The following KCNB2 variants were observed in gnomAD, a reference collection of about 807,000 sequenced individuals.
KCNB2 encodes potassium voltage-gated channel subfamily B member 2, also known as delayed rectifier potassium channel protein.
A neutral mutation model predicts 61.5 loss-of-function variants in KCNB2; 15 were observed. The observed-to-expected ratio is 0.24, with a 90% confidence interval of 0.16 to 0.38. The LOEUF is 0.38. KCNB2 is among the 10% of genes least tolerant of loss of function. KCNB2 has a pLI of 1.00. For synonymous variants in KCNB2, 457 were observed against 446.0 expected (o/e 1.02, Z -0.31); for missense variants, 828 against 1,125.2 (o/e 0.74, Z 3.78).
At chr8:72,803,834 G>A (rs550349834) in intron 2 of KCNB2, among the ~76,000 whole-genome samples, 1 of 152,296 alleles carries the variant, frequency 6.6e-6, no homozygotes, top group Admixed American at 6.5e-5. Flanking sequence ...GGGATAATGG[G>A]GTTGGAAGAA....
intron 2 of KCNB2, among the ~76,000 whole-genome samples, chr8:72,642,259 G>A (rs4738271): frequency 0.22 from 33,409 of 152,062 alleles, 4,205 homozygotes; most frequent in East Asian, 0.53. Context: ...TATATGGATT[G>A]TATGTCAAAC....
At chr8:72,657,723 A>G (rs1347875939) in intron 2 of KCNB2, among the ~76,000 whole-genome samples, 3 of 152,206 alleles carry the variant, frequency 2.0e-5, no homozygotes, top group African/African-American at 4.8e-5. Flanking sequence ...AAAAGTTTCT[A>G]TGCTTCTGGA....
At chr8:72,603,444 A>G (rs1805394379) in intron 2 of KCNB2, among the ~76,000 whole-genome samples, 1 of 152,032 alleles carries the variant, frequency 6.6e-6, no homozygotes, top group Admixed American at 6.6e-5. Context: ...ATATCTACCT[A>G]CTAATGTGGC....
At chr8:72,834,356 G>A (rs1253946167) in intron 2 of KCNB2, among the ~76,000 whole-genome samples, 1 of 152,112 alleles carries the variant, frequency 6.6e-6, no homozygotes, top group Non-Finnish European at 1.5e-5. Context: ...TGCTACAGGG[G>A]GAGGAAAGCA....
At chr8:72,657,919 T>A (rs1806317598) in intron 2 of KCNB2, among the ~76,000 whole-genome samples, 1 of 152,136 alleles carries the variant, frequency 6.6e-6, no homozygotes, top group Non-Finnish European at 1.5e-5. Context: ...AAATGATAAA[T>A]GTTGTGTGTG....
chr8:72,626,478 A>G (rs948081232), intron 2 of KCNB2, among the ~76,000 whole-genome samples: 1 of 152,234 alleles, frequency 6.6e-6, no homozygotes, highest in African/African-American at 2.4e-5. Flanking sequence ...TAACATTTCT[A>G]TTGCAGTGTA....
chr8:72,712,621 G>A (rs575454069), intron 2 of KCNB2, among the ~76,000 whole-genome samples: 31 of 152,264 alleles, frequency 2.0e-4, no homozygotes, highest in African/African-American at 6.0e-4. Context: ...ATTTAATAAC[G>A]ACTTTGTCAT....
Position 72,561,718 on chromosome 8 carries a change from T to C in KCNB2, c.-93-5924T>C, listed in dbSNP as rs1220211149. ...ATATATATATATATATATATATATA[T>C]ATATATATATCTATATCTATATATA... On this transcript the variant is annotated intron_variant, in intron 1 of 2. Coordinates refer to ENST00000523207, the MANE Select transcript of KCNB2 (RefSeq NM_004770.3). 3.1e-3 allele frequency among the ~76,000 whole-genome samples: 72 copies of C among 23,378 alleles called. 5 individuals carry two copies. The highest frequency in any genetic ancestry group is 0.026 in the African/African-American group (57 of 2,192). The allele number at this position is 23,378 out of a possible 152,430, so 15.3% of individuals were successfully genotyped here.
intron 2 of KCNB2, among the ~76,000 whole-genome samples, chr8:72,725,590 T>C (rs1294632000): frequency 1.5e-5 from 1 of 65,352 alleles, no homozygotes; most frequent in Non-Finnish European, 2.6e-5. Context: ...TATATATGTA[T>C]GTATATATAT....
intron 2 of KCNB2, among the ~76,000 whole-genome samples, chr8:72,676,190 A>C (rs557610145): frequency 3.9e-5 from 6 of 152,288 alleles, no homozygotes; most frequent in African/African-American, 9.6e-5. Context: ...TTCTTTTGTC[A>C]AGGTCTCCTT....
intron 2 of KCNB2, among the ~76,000 whole-genome samples, chr8:72,735,643 A>AT (rs1807831041): frequency 6.6e-6 from 1 of 152,194 alleles, no homozygotes; most frequent in Non-Finnish European, 1.5e-5. Context: ...ATTAATACAT[A>AT]TTGGACTAGC....
At chr8:72,809,368 A>G (rs987429252) in intron 2 of KCNB2, among the ~76,000 whole-genome samples, 2 of 152,178 alleles carry the variant, frequency 1.3e-5, no homozygotes, top group African/African-American at 4.8e-5. Context: ...TTTTCTCCCA[A>G]TGGCATATAT....
chr8:72,649,881 C>T (rs1438593998), intron 2 of KCNB2, among the ~76,000 whole-genome samples: 2 of 152,046 alleles, frequency 1.3e-5, no homozygotes, highest in Non-Finnish European at 1.5e-5. Context: ...AAATTGCAAC[C>T]GAAAGGATGA....
intron 2 of KCNB2, among the ~76,000 whole-genome samples, chr8:72,901,442 A>G (rs1028822288): frequency 1.2e-4 from 19 of 152,172 alleles, no homozygotes; most frequent in Admixed American, 1.2e-3. Flanking sequence ...ATGTATATAG[A>G]TTCATATTTT....
chr8:72,539,419 T>G (rs1806160484), intron 1 of KCNB2, among the ~76,000 whole-genome samples: 1 of 152,170 alleles, frequency 6.6e-6, no homozygotes, highest in African/African-American at 2.4e-5. Flanking sequence ...CATAATCCCC[T>G]CCCTCTTGCC....
intron 2 of KCNB2, among the ~76,000 whole-genome samples, chr8:72,734,187 A>G (rs945725517): frequency 6.6e-6 from 1 of 152,218 alleles, no homozygotes; most frequent in Non-Finnish European, 1.5e-5. Context: ...CATAAAGACT[A>G]CAAACACAGC....
At chr8:72,829,516 G>T (rs1168420828) in intron 2 of KCNB2, among the ~76,000 whole-genome samples, 2 of 152,160 alleles carry the variant, frequency 1.3e-5, no homozygotes, top group Admixed American at 6.6e-5. Context: ...AGTTCCCAAA[G>T]AATTTTTTAG....
chr8:72,920,375 T>C (rs1806485868), intron 2 of KCNB2, among the ~76,000 whole-genome samples: 1 of 149,802 alleles, frequency 6.7e-6, no homozygotes, highest in South Asian at 2.1e-4. Flanking sequence ...TCCCAGCACT[T>C]TGGGAGGTCA....
intron 2 of KCNB2, among the ~76,000 whole-genome samples, chr8:72,916,313 G>T (rs985416523): frequency 1.3e-5 from 2 of 152,182 alleles, no homozygotes; most frequent in Non-Finnish European, 2.9e-5. Context: ...GCAGGAACTG[G>T]AGTGCACAGA....
Sources: allele counts gnomAD v4.1 joint callset (sites outside exome capture counted in the v4.1 genomes callset), GRCh38; gene constraint gnomAD v4.1.1; transcripts MANE v1.5; gene names NCBI Gene and HGNC (gene_info 2026-07-23, HGNC 2026-07-21).